The following PRLR variants were observed in gnomAD, a reference collection of about 807,000 sequenced individuals.
PRLR encodes the protein hPRL receptor.
Under a neutral mutation model 40.2 loss-of-function variants are expected in PRLR, and 13 were observed. The observed-to-expected ratio is 0.32, with a 90% CI of 0.21 to 0.51. PRLR has a LOEUF of 0.51. Among genes scored for constraint, PRLR ranks in the 20% least tolerant of loss-of-function variants. PRLR has a pLI of 0.97. For synonymous variants in PRLR, 269 were observed against 278.7 expected, an observed-to-expected ratio of 0.97 and a Z score of 0.35; for missense variants, 656 against 747.3, an observed-to-expected ratio of 0.88 and a Z score of 1.42.
chr5:35,190,938 A>G (rs543874672), intron 1 of PRLR, among the ~76,000 whole-genome samples: 10 of 152,236 alleles, frequency 6.6e-5, no homozygotes, highest in African/African-American at 2.2e-4. Flanking sequence ...GTGAGCTTTT[A>G]TCAGGAGGAA....
chr5:35,062,193 G>A lies in PRLR; in HGVS notation c.*2896C>T, dbSNP rs189285609. 4 of 152,128 alleles carry A rather than the reference G, an allele frequency of 2.6e-5. No homozygotes were observed. The South Asian group carries it at 8.3e-4, about 32-fold the overall frequency. The allele number at this position is 152,128 out of a possible 1,614,324, so 9.4% of individuals were successfully genotyped here. A position where few individuals can be genotyped will look rare whatever the true frequency, so the allele number is the denominator to read the frequency against. On this transcript the variant is annotated 3_prime_UTR_variant, in exon 10 of 10. Coordinates refer to ENST00000618457, the MANE Select transcript of PRLR (RefSeq NM_000949.7). Reference sequence around the variant, plus strand: ...GAAGAGCAATTTTTTGTTAGATTAGGATAGAAGGCATTGGTTGGGATTATC... The same window carrying A: ...GAAGAGCAATTTTTTGTTAGATTAGAATAGAAGGCATTGGTTGGGATTATC...
At chr5:35,222,481 G>A (rs527725192) in intron 1 of PRLR, among the ~76,000 whole-genome samples, 2 of 152,268 alleles carry the variant, frequency 1.3e-5, no homozygotes, top group Admixed American at 1.3e-4. Flanking sequence ...CTTCCCAGAT[G>A]TTAGAGTGGA....
intron 1 of PRLR, among the ~76,000 whole-genome samples, chr5:35,202,333 C>T (rs1025411401): frequency 3.3e-5 from 5 of 152,172 alleles, no homozygotes; most frequent in Admixed American, 3.3e-4. Context: ...CCGTTCAGCA[C>T]AGTATTCAAG....
intron 1 of PRLR, among the ~76,000 whole-genome samples, chr5:35,221,938 T>C (rs931740): frequency 0.76 from 116,246 of 152,132 alleles, 44,794 homozygotes; most frequent in Middle Eastern, 0.82. Context: ...TCAGAAGAAC[T>C]TCCGTCCCCA....
At chr5:35,203,114 C>T (rs1775922661) in intron 1 of PRLR, among the ~76,000 whole-genome samples, 1 of 152,168 alleles carries the variant, frequency 6.6e-6, no homozygotes. Context: ...CTGGCCATTT[C>T]CTCCAACTGG....
chr5:35,209,163 A>T (rs1321164677), intron 1 of PRLR, among the ~76,000 whole-genome samples: 1 of 151,896 alleles, frequency 6.6e-6, no homozygotes, highest in Non-Finnish European at 1.5e-5. Flanking sequence ...CTTCTGGGTG[A>T]TGAGATCAAG....
chr5:35,082,143 G>A (rs974744351), intron 5 of PRLR, among the ~76,000 whole-genome samples: 1 of 152,134 alleles, frequency 6.6e-6, no homozygotes, highest in Admixed American at 6.5e-5. Flanking sequence ...TGAAGAGCAG[G>A]TGCTTAGGGA....
At position 35,065,277 on chromosome 5, in the gene PRLR, C is replaced by T. The variant is rs1769281750; in HGVS notation, c.1681G>A (p.Val561Met). The T allele has an allele frequency of 6.2e-7, 1 of 1,614,138 alleles. No homozygotes were observed. The highest frequency in any genetic ancestry group is 1.1e-5 in the South Asian group (1 of 91,082). ...ACGTTTTTAGCATGTGGATCTGGCA[C>T]CAACACCAGGATGTTGTTATCCATG... Reference protein sequence around the residue: ...GVMDNNILVLVPDPHAKNVAC... With the variant: ...GVMDNNILVLMPDPHAKNVAC... Residue 561 changes from valine (V) to methionine (M), a missense_variant, in exon 10 of 10, where the codon GTG (valine) becomes ATG (methionine). Around this residue, in one of 3 missense-constraint regions of PRLR, gnomAD observed 469 missense variants for 491.5 expected, o/e 0.95. Coordinates refer to ENST00000618457, the MANE Select transcript of PRLR (RefSeq NM_000949.7).
intron 1 of PRLR, among the ~76,000 whole-genome samples, chr5:35,127,197 C>T (rs1027547363): frequency 2.0e-5 from 3 of 152,204 alleles, no homozygotes; most frequent in Middle Eastern, 3.2e-3. Flanking sequence ...CCCTGGAAGA[C>T]CTGCTGTAGC....
At chr5:35,209,797 A>C (rs1776124192) in intron 1 of PRLR, among the ~76,000 whole-genome samples, 4 of 152,208 alleles carry the variant, frequency 2.6e-5, no homozygotes. Flanking sequence ...TATAATCTAA[A>C]AAGCATGTGA....
intron 1 of PRLR, among the ~76,000 whole-genome samples, chr5:35,211,836 C>T (rs954621690): frequency 4.6e-5 from 7 of 152,134 alleles, no homozygotes; most frequent in African/African-American, 1.4e-4. Context: ...TATTGACTGA[C>T]ATATTAATAG....
intron 1 of PRLR, among the ~76,000 whole-genome samples, chr5:35,152,138 G>A (rs193125081): frequency 3.3e-5 from 5 of 152,230 alleles, no homozygotes; most frequent in East Asian, 1.9e-4. Context: ...GGTATAATCC[G>A]CGTGATCCAT....
At chr5:35,116,883 C>T (rs1278411928) in intron 2 of PRLR, among the ~76,000 whole-genome samples, 3 of 152,170 alleles carry the variant, frequency 2.0e-5, no homozygotes, top group Non-Finnish European at 2.9e-5. Flanking sequence ...TGGGCTGAGG[C>T]AACTTAAAGC....
intron 2 of PRLR, among the ~76,000 whole-genome samples, chr5:35,113,210 T>C (rs1407095775): frequency 4.7e-5 from 5 of 107,026 alleles, no homozygotes; most frequent in Admixed American, 9.6e-5. Context: ...ATCCATCCAT[T>C]AACCTACCCA....
At chr5:35,102,480 CG>C (rs1771947299) in intron 2 of PRLR, among the ~76,000 whole-genome samples, 1 of 149,110 alleles carries the variant, frequency 6.7e-6, no homozygotes, top group South Asian at 2.2e-4. Flanking sequence ...CGTCCCGTCC[CG>C]TCCCGTCTCC....
At position 35,154,166 on chromosome 5, in the gene PRLR, A is replaced by G. The variant is rs1433218825; in HGVS notation, c.-105-36044T>C. 2.0e-5 allele frequency among the ~76,000 whole-genome samples: 3 copies of G among 152,176 alleles called. No homozygotes were observed. In the East Asian group the frequency reaches 5.8e-4, roughly 29 times the overall value. On this transcript the variant is annotated intron_variant, in intron 1 of 9. Coordinates refer to ENST00000618457, the MANE Select transcript of PRLR (RefSeq NM_000949.7). ...GGAAGGAATAGTTTCTAGGTAGAAA[A>G]CTCATAGAATTATAGAACTGTCAAG...
intron 2 of PRLR, among the ~76,000 whole-genome samples, chr5:35,092,301 T>C (rs1561289681): frequency 6.6e-6 from 1 of 152,200 alleles, no homozygotes; most frequent in Non-Finnish European, 1.5e-5. Flanking sequence ...CACAGTGGTG[T>C]CACGGTTGTG....
rs748819746 is a variant in PRLR, at chr5:35,140,649, G to T, written c.-105-22527C>A. Among the ~76,000 whole-genome samples the T allele has an allele frequency of 2.0e-5, 3 of 152,306 alleles. No individual in the cohort carries two copies. In the South Asian group the frequency reaches 6.2e-4, roughly 32 times the overall value. ...TTGATGGACTTAGGCCTTATGATGTGGGGGGAGGAGAGATGACAACTGTAT... is the reference window on the plus strand; with the variant it reads ...TTGATGGACTTAGGCCTTATGATGTTGGGGGAGGAGAGATGACAACTGTAT... On this transcript the variant is annotated intron_variant, in intron 1 of 9. Transcript: ENST00000618457.
intron 1 of PRLR, among the ~76,000 whole-genome samples, chr5:35,200,628 G>C (rs966036055): frequency 6.6e-6 from 1 of 152,180 alleles, no homozygotes; most frequent in Non-Finnish European, 1.5e-5. Flanking sequence ...TGAAGGAAGA[G>C]CCTAGGGTTT....
Sources: allele counts gnomAD v4.1 joint callset (sites outside exome capture counted in the v4.1 genomes callset), GRCh38; gene constraint gnomAD v4.1.1; regional missense constraint gnomAD v4.1.1; transcripts MANE v1.5; gene names NCBI Gene and HGNC (gene_info 2026-07-23, HGNC 2026-07-21).